KCNH7: variants seen among roughly 807,000 people sequenced by gnomAD.
KCNH7 encodes the protein potassium voltage-gated channel subfamily H member 7.
In KCNH7, 49 loss-of-function variants were observed where a neutral mutation model predicts 120.8. That is an observed-to-expected ratio of 0.41 (90% CI 0.32 to 0.51). The LOEUF is 0.51. Among genes scored for constraint, KCNH7 ranks in the 20% least tolerant of loss-of-function variants. The pLI is 0.38. For synonymous variants in KCNH7, 547 were observed against 516.1 expected, an observed-to-expected ratio of 1.06 and a Z score of -0.81; for missense variants, 1,097 against 1,446.6, an observed-to-expected ratio of 0.76 and a Z score of 3.92.
chr2:162,667,202 A>G (rs141099163), intron 2 of KCNH7, among the ~76,000 whole-genome samples: 50 of 151,518 alleles, frequency 3.3e-4, no homozygotes, highest in African/African-American at 1.1e-3. Flanking sequence ...CTTATTTTTC[A>G]TAGAGATAGG....
rs1559001097 is a variant in KCNH7 at position 162,537,003 on chromosome 2, A to C, written c.385T>G (p.Phe129Val). ...TTTTCATTATCCGTCACATATTCAA[A>C]ATTAATGATGAACATCATAGCCACG... ...EGVAMMFIIN[F>V]EYVTDNENAA... Residue 129 changes from phenylalanine to valine, a missense_variant, in exon 3 of 16, where the codon TTT (phenylalanine) becomes GTT (valine). By Grantham distance (50) the Phe-to-Val change is conservative (BLOSUM62 -1). Coordinates refer to ENST00000332142, the MANE Select transcript of KCNH7 (RefSeq NM_033272.4). The C allele has an allele frequency of 6.2e-7, 1 of 1,612,860 alleles. No individual in the cohort carries two copies. Among genetic ancestry groups the C allele is most frequent in the African/African-American group, 1.3e-5 (1 of 74,946 alleles).
intron 2 of KCNH7, among the ~76,000 whole-genome samples, chr2:162,804,726 T>C (rs1684474856): frequency 6.6e-6 from 1 of 150,842 alleles, no homozygotes; most frequent in South Asian, 2.1e-4. Flanking sequence ...ACATCATTTT[T>C]CATAGATTTA....
chr2:162,687,795 A>G (rs1214725610), intron 2 of KCNH7, among the ~76,000 whole-genome samples: 2 of 152,202 alleles, frequency 1.3e-5, no homozygotes, highest in African/African-American at 2.4e-5. Flanking sequence ...AAACATCACT[A>G]GACTGATTTT....
At chr2:162,828,001 A>T (rs1243675859) in intron 2 of KCNH7, among the ~76,000 whole-genome samples, 1 of 152,148 alleles carries the variant, frequency 6.6e-6, no homozygotes, top group Non-Finnish European at 1.5e-5. Context: ...TGAAGAGCAC[A>T]TCTGTTGCAT....
At chr2:162,574,426 T>C (rs1380101034) in intron 2 of KCNH7, among the ~76,000 whole-genome samples, 1 of 151,934 alleles carries the variant, frequency 6.6e-6, no homozygotes, top group East Asian at 1.9e-4. Flanking sequence ...GAACAAAAAC[T>C]CAATTATATA....
chr2:162,383,250 C>G (rs896771360), intron 13 of KCNH7, among the ~76,000 whole-genome samples: 65 of 152,098 alleles, frequency 4.3e-4, no homozygotes, highest in African/African-American at 1.3e-3. Flanking sequence ...GTTCAGCAAG[C>G]TCTTCAGAAC....
At chr2:162,638,830 G>C (rs974327823) in intron 2 of KCNH7, among the ~76,000 whole-genome samples, 2 of 152,092 alleles carry the variant, frequency 1.3e-5, no homozygotes, top group African/African-American at 4.8e-5. Context: ...AGAGAAAGTA[G>C]GTTTAGTCCA....
At chr2:162,504,796 A>T (rs1382608477) in intron 5 of KCNH7, 139 bp from the exon 6 acceptor site, 2 of 625,160 alleles carry the variant, frequency 3.2e-6, no homozygotes, top group African/African-American at 3.7e-5. Context: ...TTATACCTGG[A>T]CACAGGGCTT....
At chr2:162,804,766 C>CAAAA (rs200041293) in intron 2 of KCNH7, among the ~76,000 whole-genome samples, 10 of 143,472 alleles carry the variant, frequency 7.0e-5, no homozygotes, top group African/African-American at 2.6e-4. Context: ...CATATGGAAC[C>CAAAA]AAAAAAAAAA....
chr2:162,535,205 C>T (rs1348379622), intron 3 of KCNH7, among the ~76,000 whole-genome samples: 3 of 151,674 alleles, frequency 2.0e-5, no homozygotes, highest in Admixed American at 1.3e-4. Flanking sequence ...CTGTTGATTT[C>T]TTTTTAATGA....
intron 2 of KCNH7, among the ~76,000 whole-genome samples, chr2:162,801,038 G>GT (rs996967175): frequency 6.6e-6 from 1 of 151,676 alleles, no homozygotes; most frequent in Admixed American, 6.6e-5. Context: ...TAAAATTCAT[G>GT]TTTTTTAAAG....
At chr2:162,612,049 C>A (rs1041534192) in intron 2 of KCNH7, among the ~76,000 whole-genome samples, 2 of 152,074 alleles carry the variant, frequency 1.3e-5, no homozygotes. Flanking sequence ...TATGGTATAT[C>A]AAATAATGTG....
At chr2:162,801,711 T>C (rs890834494) in intron 2 of KCNH7, among the ~76,000 whole-genome samples, 1 of 151,742 alleles carries the variant, frequency 6.6e-6, no homozygotes, top group East Asian at 1.9e-4. Flanking sequence ...CAGAAGTTAT[T>C]TGAGAATGCT....
intron 2 of KCNH7, among the ~76,000 whole-genome samples, chr2:162,584,658 G>A (rs1693969716): frequency 6.6e-6 from 1 of 151,950 alleles, no homozygotes; most frequent in African/African-American, 2.4e-5. Flanking sequence ...ACATCACTGG[G>A]AACCTATTAC....
chr2:162,452,034 C>T (rs114746654), intron 6 of KCNH7, among the ~76,000 whole-genome samples: 2,078 of 152,038 alleles, frequency 0.014, 25 homozygotes, highest in Non-Finnish European at 0.02. Context: ...TTTGTAGATA[C>T]GGAAATGATA....
chr2:162,390,176 A>C (rs1244719070), intron 12 of KCNH7, among the ~76,000 whole-genome samples: 2 of 151,818 alleles, frequency 1.3e-5, no homozygotes, highest in African/African-American at 4.8e-5. Context: ...GAACACTGCA[A>C]ATATTTGGTC....
At chr2:162,552,018 C>T (rs1039304027) in intron 2 of KCNH7, among the ~76,000 whole-genome samples, 1 of 151,936 alleles carries the variant, frequency 6.6e-6, no homozygotes, top group Non-Finnish European at 1.5e-5. Flanking sequence ...CCAAGCAGAA[C>T]CAAAATGGAA....
At chr2:162,783,681 G>A (rs762823603) in intron 2 of KCNH7, among the ~76,000 whole-genome samples, 3 of 152,174 alleles carry the variant, frequency 2.0e-5, no homozygotes, top group Non-Finnish European at 4.4e-5. Context: ...GACAATGTGA[G>A]ACTAGACTGA....
At chr2:162,777,979 G>A (rs979730723) in intron 2 of KCNH7, among the ~76,000 whole-genome samples, 14 of 151,918 alleles carry the variant, frequency 9.2e-5, no homozygotes, top group African/African-American at 3.4e-4. Context: ...TGTCCAATAT[G>A]GTGACACTTT....
Sources: allele counts gnomAD v4.1 joint callset (sites outside exome capture counted in the v4.1 genomes callset), GRCh38; gene constraint gnomAD v4.1.1; transcripts MANE v1.5; gene names NCBI Gene and HGNC (gene_info 2026-07-23, HGNC 2026-07-21).